Variants in LTBP2 observed in about 807,000 individuals in gnomAD.
LTBP2 encodes latent-transforming growth factor beta-binding protein 2.
A neutral mutation model predicts 210.6 loss-of-function variants in LTBP2; 103 were observed. The observed-to-expected ratio is 0.49, with a 90% CI of 0.42 to 0.58. LTBP2 has a LOEUF of 0.58. Ranked by LOEUF, LTBP2 falls within the 20% of genes least tolerant of loss-of-function variation. The pLI is 0.00. For synonymous variants in LTBP2, 1,007 were observed against 1,015.0 expected, an observed-to-expected ratio of 0.99 and a Z score of 0.15; for missense variants, 2,313 against 2,494.5, an observed-to-expected ratio of 0.93 and a Z score of 1.55.
chr14:74,601,818 A>T lies in LTBP2; in HGVS notation c.565+1817T>A, dbSNP rs142691880. ...TGAAGGCATCCATCATGCTGGGAAC[A>T]TCATACGTTTTTTCACACACCTGGA... On this transcript the variant is annotated intron_variant, in intron 2 of 35. Transcript: ENST00000261978. Among the ~76,000 whole-genome samples the T allele has an allele frequency of 1.5e-4, 23 of 152,330 alleles. No homozygotes were observed. The East Asian group carries it at 2.5e-3, about 17-fold the overall frequency.
At chr14:74,535,432 C>G (rs537978592) in intron 9 of LTBP2, among the ~76,000 whole-genome samples, 1 of 152,314 alleles carries the variant, frequency 6.6e-6, no homozygotes, top group East Asian at 1.9e-4. Flanking sequence ...AGGAAGCCCC[C>G]GTGCTCCCCG....
At chr14:74,555,794 T>C in intron 3 of LTBP2, 101 bp from the exon 4 acceptor site, 1 of 880,322 alleles carries the variant, frequency 1.1e-6, no homozygotes, top group Non-Finnish European at 1.6e-6. Flanking sequence ...ACAAGAAAAA[T>C]GCTCTCTGGC....
Position 74,611,524 on chromosome 14 carries a change from C to A in LTBP2, c.421G>T (p.Ala141Ser), listed in dbSNP as rs1427266659. ...TGTGGGGTCCCCAGGCGTGGGAGAG[C>A]CGGCGCGGCCCGGGTCCGGGGTGCT... ...QPAPRTRAAP[A>S]LPRLGTPQRS... Residue 141 changes from alanine (A) to serine (S), a missense_variant, in exon 1 of 36, where the codon GCT becomes TCT. Around this residue, in one of 3 missense-constraint regions of LTBP2, gnomAD observed 1,867 missense variants for 1,976.9 expected, o/e 0.94. Transcript: ENST00000261978. 1.3e-6 allele frequency: 2 copies of A among 1,543,286 alleles called. No homozygotes were observed. The highest frequency in any genetic ancestry group is 1.4e-5 in the African/African-American group (1 of 70,364).
intron 1 of LTBP2, among the ~76,000 whole-genome samples, chr14:74,605,312 G>A (rs1411055435): frequency 6.6e-6 from 1 of 152,212 alleles, no homozygotes; most frequent in Non-Finnish European, 1.5e-5. Context: ...TGGCCCTTTG[G>A]CCCAAAGTTG....
intron 31 of LTBP2, 24 bp downstream of exon 31, chr14:74,503,902 G>A (rs762702111): frequency 1.9e-6 from 3 of 1,613,580 alleles, no homozygotes; most frequent in African/African-American, 1.3e-5. Context: ...CTGGGGTGGG[G>A]GCAGGGATCA....
chr14:74,555,727 C>T (rs531349769), intron 3 of LTBP2, 34 bp from the exon 4 acceptor site: 1 of 1,457,882 alleles, frequency 6.9e-7, no homozygotes, highest in South Asian at 1.5e-5. Context: ...GGGTTTGCAC[C>T]CTGGGAACAG....
chr14:74,509,404 C>T (rs375521292), intron 21 of LTBP2, 41 bp from the exon 22 acceptor site: 5 of 1,611,890 alleles, frequency 3.1e-6, no homozygotes, highest in Non-Finnish European at 4.2e-6. Context: ...TAGGAGGGCT[C>T]CCACTCCCCA....
chr14:74,511,516 A>G (rs2087071406), intron 18 of LTBP2, 152 bp from the exon 19 acceptor site: 1 of 974,606 alleles, frequency 1.0e-6, no homozygotes, highest in Non-Finnish European at 1.6e-6. Flanking sequence ...TGTGTTCCCA[A>G]CTCCACCTCT....
intron 25 of LTBP2, 36 bp from the exon 26 acceptor site, chr14:74,507,346 G>A (rs2087005212): frequency 1.2e-6 from 2 of 1,613,490 alleles, no homozygotes; most frequent in Non-Finnish European, 1.7e-6. Flanking sequence ...GAGGACAGAG[G>A]TGGCCAGGTC....
intron 3 of LTBP2, among the ~76,000 whole-genome samples, chr14:74,583,575 G>A (rs2139785586): frequency 6.6e-6 from 1 of 152,354 alleles, no homozygotes; most frequent in South Asian, 2.1e-4. Flanking sequence ...GGACAGCCCT[G>A]CTGTGGGCCA....
intron 28 of LTBP2, among the ~76,000 whole-genome samples, chr14:74,505,456 G>T (rs905936997): frequency 6.6e-6 from 1 of 152,132 alleles, no homozygotes; most frequent in Non-Finnish European, 1.5e-5. Flanking sequence ...CCTCCCCTGC[G>T]CTTTGCGGTA....
chr14:74,603,133 T>G (rs1173173127), intron 2 of LTBP2, among the ~76,000 whole-genome samples: 1 of 152,186 alleles, frequency 6.6e-6, no homozygotes, highest in African/African-American at 2.4e-5. Context: ...TGGAGGCATT[T>G]TTTTTTCTTT....
At chr14:74,579,600 T>G (rs1209823463) in intron 3 of LTBP2, among the ~76,000 whole-genome samples, 1 of 152,236 alleles carries the variant, frequency 6.6e-6, no homozygotes, top group Non-Finnish European at 1.5e-5. Flanking sequence ...ACCACCCACA[T>G]GCAGGCACAT....
chr14:74,573,525 C>G (rs1180429297), intron 3 of LTBP2, among the ~76,000 whole-genome samples: 1 of 152,212 alleles, frequency 6.6e-6, no homozygotes, highest in Non-Finnish European at 1.5e-5. Context: ...GCAGTGGCTG[C>G]ATTCCTCCAC....
chr14:74,597,525 G>T (rs187232240), intron 2 of LTBP2, among the ~76,000 whole-genome samples: 8 of 152,318 alleles, frequency 5.3e-5, no homozygotes, highest in Non-Finnish European at 5.9e-5. Flanking sequence ...AAGGACACAG[G>T]TGTGGAGAGA....
rs377522705 is a variant in LTBP2, at chr14:74,532,406, C to T, written c.1987+20G>A. 79 of 1,613,440 alleles carry T rather than the reference C, an allele frequency of 4.9e-5. No individual in the cohort carries two copies. The African/African-American group carries it at 8.7e-4, about 18-fold the overall frequency. On this transcript the variant is annotated intron_variant, in intron 10 of 35. Transcript: ENST00000261978. Reference sequence around the variant, plus strand: ...TTGTCTCCCACTGTCCACCCCCACCCCATCCCTGCCAGCACTCACACACAC... The same window carrying T: ...TTGTCTCCCACTGTCCACCCCCACCTCATCCCTGCCAGCACTCACACACAC...
At chr14:74,545,472 G>A (rs1341437938) in intron 8 of LTBP2, among the ~76,000 whole-genome samples, 2 of 152,204 alleles carry the variant, frequency 1.3e-5, no homozygotes, top group Non-Finnish European at 2.9e-5. Flanking sequence ...GATACAGAGG[G>A]CCCTGGGTTC....
chr14:74,536,989 TTA>T (rs1257269078), intron 8 of LTBP2, among the ~76,000 whole-genome samples: 1 of 152,234 alleles, frequency 6.6e-6, no homozygotes, highest in African/African-American at 2.4e-5. Context: ...TACATGCATG[TTA>T]TATATATAAC....
chr14:74,553,107 C>T, intron 4 of LTBP2, 45 bp from the exon 5 acceptor site: 2 of 1,587,378 alleles, frequency 1.3e-6, no homozygotes, highest in Non-Finnish European at 1.7e-6. Flanking sequence ...CTGAGAGGCA[C>T]AGCTGTGACC....
Sources: allele counts gnomAD v4.1 joint callset (sites outside exome capture counted in the v4.1 genomes callset), GRCh38; gene constraint gnomAD v4.1.1; regional missense constraint gnomAD v4.1.1; transcripts MANE v1.5; gene names NCBI Gene and HGNC (gene_info 2026-07-23, HGNC 2026-07-21).